The following NALF1 variants were observed in gnomAD, a reference collection of about 807,000 sequenced individuals.
NALF1 encodes the protein NALCN channel auxiliary factor 1.
NALF1 carries 3 observed loss-of-function variants against 48.4 expected under a neutral mutation model. That is an observed-to-expected ratio of 0.06 (90% confidence interval 0.03 to 0.16). The LOEUF (loss-of-function observed/expected upper bound fraction) is 0.16. Among genes scored for constraint, NALF1 ranks in the 10% least tolerant of loss-of-function variants. The probability of loss-of-function intolerance (pLI) is 1.00; values close to 1 mark genes in which losing one functional copy is unlikely to be tolerated. For missense variants in NALF1, 526 were observed against 571.5 expected, an observed-to-expected ratio of 0.92 and a Z score of 0.81; for synonymous variants, 262 against 245.7, an observed-to-expected ratio of 1.07 and a Z score of -0.62.
At chr13:107,865,174 C>A (rs1235063195) in intron 1 of NALF1, among the ~76,000 whole-genome samples, 1 of 152,172 alleles carries the variant, frequency 6.6e-6, no homozygotes, top group Non-Finnish European at 1.5e-5. Context: ...ACAGGTAATT[C>A]TTTTTAACTA....
intron 1 of NALF1, among the ~76,000 whole-genome samples, chr13:107,583,802 T>C (rs1392288232): frequency 1.3e-5 from 2 of 152,016 alleles, no homozygotes; most frequent in Non-Finnish European, 2.9e-5. Flanking sequence ...TCTCCAAGAG[T>C]TACTGTCTAG....
intron 1 of NALF1, among the ~76,000 whole-genome samples, chr13:107,371,445 A>G (rs1883246851): frequency 7.4e-6 from 1 of 134,932 alleles, no homozygotes; most frequent in African/African-American, 2.6e-5. Flanking sequence ...GACCCTGTCT[A>G]AAAAATAAAA....
chr13:107,208,865 T>G (rs1171320408), intron 2 of NALF1, among the ~76,000 whole-genome samples: 2 of 152,034 alleles, frequency 1.3e-5, no homozygotes, highest in Non-Finnish European at 2.9e-5. Context: ...ATTCCTTCTT[T>G]CCCTCTTCCC....
At chr13:107,201,168 C>CTGTCT (rs397784010) in intron 2 of NALF1, among the ~76,000 whole-genome samples, 1 of 150,480 alleles carries the variant, frequency 6.6e-6, no homozygotes, top group Admixed American at 6.6e-5. Context: ...ATCTATCTAT[C>CTGTCT]ATCTATCTAT....
At chr13:107,845,524 G>A (rs185326928) in intron 1 of NALF1, among the ~76,000 whole-genome samples, 110 of 152,264 alleles carry the variant, frequency 7.2e-4, no homozygotes, top group Middle Eastern at 3.4e-3. Flanking sequence ...CATGAATCCA[G>A]AATCTGAAAC....
chr13:107,540,463 A>C (rs1876969230), intron 1 of NALF1, among the ~76,000 whole-genome samples: 1 of 152,042 alleles, frequency 6.6e-6, no homozygotes, highest in African/African-American at 2.4e-5. Flanking sequence ...ATATATCCTA[A>C]AGTTGCATTC....
chr13:107,678,236 A>G (rs1303199067), intron 1 of NALF1, among the ~76,000 whole-genome samples: 1 of 152,158 alleles, frequency 6.6e-6, no homozygotes, highest in Non-Finnish European at 1.5e-5. Flanking sequence ...ACAGGAGGAC[A>G]TGGTGAACGG....
At chr13:107,864,872 T>C (rs1880666649) in intron 1 of NALF1, among the ~76,000 whole-genome samples, 1 of 152,214 alleles carries the variant, frequency 6.6e-6, no homozygotes, top group Non-Finnish European at 1.5e-5. Context: ...AGGGAGAGCT[T>C]AAATATAATA....
chr13:107,843,377 C>G (rs1003095677), intron 1 of NALF1, among the ~76,000 whole-genome samples: 18 of 152,100 alleles, frequency 1.2e-4, no homozygotes, highest in African/African-American at 4.3e-4. Flanking sequence ...ATATAGTTCA[C>G]GCTCCACTTA....
intron 1 of NALF1, among the ~76,000 whole-genome samples, chr13:107,502,295 C>T (rs1875550293): frequency 6.6e-6 from 1 of 152,112 alleles, no homozygotes; most frequent in African/African-American, 2.4e-5. Context: ...CTGGGCCCCC[C>T]TCCATCCCTC....
intron 1 of NALF1, among the ~76,000 whole-genome samples, chr13:107,292,977 A>G (rs1284321016): frequency 9.0e-6 from 1 of 110,534 alleles, no homozygotes; most frequent in East Asian, 3.0e-4. Flanking sequence ...CAGCTCCGTT[A>G]TAGTTTTTCT....
intron 2 of NALF1, among the ~76,000 whole-genome samples, chr13:107,188,116 C>A (rs1879214614): frequency 6.6e-6 from 1 of 152,080 alleles, no homozygotes; most frequent in African/African-American, 2.4e-5. Context: ...ATCACCAAGA[C>A]AATTTATTTT....
intron 1 of NALF1, among the ~76,000 whole-genome samples, chr13:107,475,152 C>T (rs1885159134): frequency 6.6e-6 from 1 of 152,150 alleles, no homozygotes; most frequent in African/African-American, 2.4e-5. Context: ...AACAACACTA[C>T]AGGCCCCATC....
In NALF1 at chr13:107,498,160, A is replaced by G. The variant is rs181144204; in HGVS notation, c.916-287405T>C. ...ATAATCTATGTGTAAACAAGAAAAA[A>G]GAATGCCTAAAGCTACATCTGGTGA... On this transcript the variant is annotated intron_variant, in intron 1 of 2. Coordinates refer to ENST00000375915, the MANE Select transcript of NALF1 (RefSeq NM_001080396.3). 3.2e-3 allele frequency among the ~76,000 whole-genome samples: 480 copies of G among 152,324 alleles called. 1 individual carries two copies. The highest frequency in any genetic ancestry group is 4.9e-3 in the Non-Finnish European group (334 of 68,026).
intron 1 of NALF1, among the ~76,000 whole-genome samples, chr13:107,410,170 T>C (rs927501670): frequency 2.0e-5 from 3 of 152,184 alleles, no homozygotes; most frequent in Non-Finnish European, 4.4e-5. Flanking sequence ...TCAGGAAAGA[T>C]TTTTTTCTTT....
intron 1 of NALF1, among the ~76,000 whole-genome samples, chr13:107,377,196 G>A (rs1883354535): frequency 2.0e-5 from 3 of 152,124 alleles, no homozygotes; most frequent in South Asian, 2.1e-4. Flanking sequence ...CTTAGGACCC[G>A]GTGCTGATCA....
Position 107,605,986 on chromosome 13 carries a change from T to A in NALF1, c.915+259696A>T, listed in dbSNP as rs561034026. On this transcript the variant is annotated intron_variant, in intron 1 of 2. Transcript: ENST00000375915. ...GGATGCAAACCTGGGAGTGTTTCAATTTTGGGATTCAATAGCCAGATCTCC... is the reference window on the plus strand; with the variant it reads ...GGATGCAAACCTGGGAGTGTTTCAAATTTGGGATTCAATAGCCAGATCTCC... 2.0e-5 allele frequency among the ~76,000 whole-genome samples: 3 copies of A among 152,296 alleles called. No individual in the cohort carries two copies. The East Asian group carries it at 5.8e-4, about 29-fold the overall frequency.
intron 1 of NALF1, among the ~76,000 whole-genome samples, chr13:107,594,536 A>T (rs771603263): frequency 1.2e-4 from 18 of 152,012 alleles, no homozygotes; most frequent in Non-Finnish European, 2.5e-4. Context: ...TCAGTGTGGC[A>T]TATTATCAAG....
intron 1 of NALF1, among the ~76,000 whole-genome samples, chr13:107,833,175 C>T (rs1879791966): frequency 6.6e-6 from 1 of 152,150 alleles, no homozygotes; most frequent in African/African-American, 2.4e-5. Flanking sequence ...TTTGAACATA[C>T]GAAGACACGT....
Sources: gnomAD v4.1 joint callset for allele counts (sites outside exome capture counted in the v4.1 genomes callset) on GRCh38, gnomAD v4.1.1 for gene constraint, MANE v1.5 for transcripts, NCBI Gene and HGNC (gene_info 2026-07-23, HGNC 2026-07-21) for gene names.